Variants in UBE2W observed in about 807,000 individuals in gnomAD.
UBE2W encodes the protein ubiquitin-conjugating enzyme E2 W.
Under a neutral mutation model 27.2 loss-of-function variants are expected in UBE2W, and 18 were observed. That is an observed-to-expected ratio of 0.66 (90% confidence interval 0.46 to 0.98). The LOEUF is 0.98. Among genes scored for constraint, UBE2W ranks in the 50% least tolerant of loss-of-function variants. UBE2W has a pLI of 0.00. For missense variants in UBE2W, 90 were observed against 180.2 expected (o/e 0.50, Z 2.87); for synonymous variants, 53 against 57.2 (o/e 0.93, Z 0.33).
chr8:73,780,757 CAA>C (rs1219923382), intron 4 of UBE2W, among the ~76,000 whole-genome samples: 1 of 151,764 alleles, frequency 6.6e-6, no homozygotes, highest in Non-Finnish European at 1.5e-5. Context: ...CTCCTGGACT[CAA>C]GAGATCCACC....
At chr8:73,867,003 CAA>C (rs35890299) in intron 1 of UBE2W, among the ~76,000 whole-genome samples, 1 of 120,948 alleles carries the variant, frequency 8.3e-6, no homozygotes, top group Non-Finnish European at 1.8e-5. Flanking sequence ...GGCTCCGTCC[CAA>C]AAAAAAAAAA....
chr8:73,842,644 C>T (rs1279929630), intron 1 of UBE2W, among the ~76,000 whole-genome samples: 4 of 143,620 alleles, frequency 2.8e-5, no homozygotes, highest in Non-Finnish European at 3.0e-5. Flanking sequence ...CTCAAAAATA[C>T]ATGTAATTTG....
At chr8:73,862,368 T>G (rs972064235) in intron 1 of UBE2W, among the ~76,000 whole-genome samples, 1 of 152,214 alleles carries the variant, frequency 6.6e-6, no homozygotes, top group African/African-American at 2.4e-5. Flanking sequence ...TTCAGCTTTC[T>G]ACATATGGCT....
At chr8:73,804,555 CTTTTT>C (rs57819629) in intron 5 of UBE2W, among the ~76,000 whole-genome samples, 10 of 146,616 alleles carry the variant, frequency 6.8e-5, no homozygotes, top group Admixed American at 1.4e-4. Flanking sequence ...CAGAATCTCA[CTTTTT>C]TTTTTTTAAG....
rs10652083 is a variant in UBE2W, at chr8:73,789,307, TAAAAAAAAA to T, written c.*4786_*4794del. On this transcript the variant is annotated 3_prime_UTR_variant, in exon 6 of 6. Transcript: ENST00000602593. ...GCAACATGGTGAGACCTCGTGTCTT[TAAAAAAAAA>T]AAAAAAAAAAAAAAAAAAAAAAAAA... 3.6e-3 allele frequency: 146 copies of T among 40,054 alleles called. 3 individuals carry two copies. Among genetic ancestry groups the T allele is most frequent in the South Asian group, 4.8e-3 (3 of 628 alleles). 2.5% of individuals were successfully genotyped at this position (40,054 alleles called of 1,614,324 possible).
Position 73,847,449 on chromosome 8 carries a change from T to TG in UBE2W, c.16-16978dup, listed in dbSNP as rs537337608. On this transcript the variant is annotated intron_variant, in intron 1 of 5. Transcript: ENST00000602593. The stretch of plus-strand genomic sequence containing the variant: ...AACTACTTGCTTTTTTTTGTAAACT[T>TG]GGATATAGAAATATGCTCTCACCCA... Among the ~76,000 whole-genome samples the TG allele has an allele frequency of 1.7e-3, 259 of 152,214 alleles. 1 individual carries two copies. The highest frequency in any genetic ancestry group is 3.0e-3 in the Non-Finnish European group (205 of 68,016).
intron 1 of UBE2W, among the ~76,000 whole-genome samples, chr8:73,871,807 C>T (rs944611182): frequency 1.3e-5 from 2 of 152,208 alleles, no homozygotes; most frequent in East Asian, 1.9e-4. Flanking sequence ...CAGATCATCC[C>T]TTTATTTTTT....
intron 1 of UBE2W, among the ~76,000 whole-genome samples, chr8:73,854,672 AGT>A (rs1320273274): frequency 6.6e-6 from 1 of 152,214 alleles, no homozygotes; most frequent in African/African-American, 2.4e-5. Context: ...TCAAGTAAGT[AGT>A]GTTCTCTGAA....
chr8:73,856,119 GTAA>G (rs1447405021), intron 1 of UBE2W, among the ~76,000 whole-genome samples: 2 of 151,970 alleles, frequency 1.3e-5, no homozygotes, highest in Non-Finnish European at 2.9e-5. Context: ...AAAAAACTAA[GTAA>G]TAAATTTGGT....
At chr8:73,848,070 G>A (rs917501540) in intron 1 of UBE2W, among the ~76,000 whole-genome samples, 5 of 146,006 alleles carry the variant, frequency 3.4e-5, no homozygotes, top group Non-Finnish European at 7.5e-5. Context: ...GTGTCGTGGC[G>A]CATGCCTGTA....
At chr8:73,799,774 T>A (rs1048971097) in intron 5 of UBE2W, among the ~76,000 whole-genome samples, 1 of 152,220 alleles carries the variant, frequency 6.6e-6, no homozygotes, top group African/African-American at 2.4e-5. Context: ...TATCCAATTC[T>A]TAGTAAGCTT....
Position 73,841,573 on chromosome 8 carries a change from T to C in UBE2W, c.16-11101A>G, listed in dbSNP as rs1810536703. ...TCCATGCTTTCAGAGTACAGTAGTG[T>C]CCAAAAGAAGAGTGGTAAGAGGAGA... On this transcript the variant is annotated intron_variant, in intron 1 of 5. Transcript: ENST00000602593. 3.9e-5 allele frequency among the ~76,000 whole-genome samples: 6 copies of C among 152,184 alleles called. 1 individual carries two copies. The South Asian group carries it at 1.2e-3, about 32-fold the overall frequency.
chr8:73,878,850 A>T lies in UBE2W; in HGVS notation c.-28T>A, dbSNP rs1320339176. 3 of 1,547,532 alleles carry T rather than the reference A, an allele frequency of 1.9e-6. No homozygotes were observed. The African/African-American group carries it at 4.1e-5, about 21-fold the overall frequency. On this transcript the variant is annotated 5_prime_UTR_variant, in exon 1 of 6. Transcript: ENST00000602593. ...TGGAACCATCCCCCCAAGACCGGCG[A>T]GGCCAGAGACGCAGGGGGAGGAGCT...
In UBE2W at chr8:73,805,505, T is replaced by C. The variant is rs116376411; in HGVS notation, c.442+146A>G. ...ACTAGGGTAATTCATCCATTAAATATATTAGAATATTTTAAAGAATTTTCT... is the reference window on the plus strand; with the variant it reads ...ACTAGGGTAATTCATCCATTAAATACATTAGAATATTTTAAAGAATTTTCT... On this transcript the variant is annotated intron_variant, in intron 5 of 5. Coordinates refer to ENST00000602593, the MANE Select transcript of UBE2W (RefSeq NM_018299.6). The C allele has an allele frequency of 0.027, 3,473 of 126,772 alleles. 154 individuals carry two copies. Among genetic ancestry groups the C allele is most frequent in the African/African-American group, 0.11 (3,253 of 29,262 alleles). 7.9% of individuals were successfully genotyped at this position (126,772 alleles called of 1,614,324 possible). A position where few individuals can be genotyped will look rare whatever the true frequency, so the allele number is the denominator to read the frequency against.
chr8:73,835,470 C>G (rs550242771), intron 1 of UBE2W, among the ~76,000 whole-genome samples: 2 of 152,124 alleles, frequency 1.3e-5, no homozygotes, highest in African/African-American at 2.4e-5. Flanking sequence ...TGGCCGGGTG[C>G]GATGGCTCAT....
chr8:73,833,516 TGTTAAG>T (rs1178300480), intron 1 of UBE2W, among the ~76,000 whole-genome samples: 3 of 152,260 alleles, frequency 2.0e-5, no homozygotes, highest in East Asian at 3.9e-4. Context: ...ATCTGAGATA[TGTTAAG>T]GTTTTCTTCC....
intron 4 of UBE2W, among the ~76,000 whole-genome samples, chr8:73,809,627 C>T (rs1809065299): frequency 6.6e-6 from 1 of 151,928 alleles, no homozygotes; most frequent in Non-Finnish European, 1.5e-5. Flanking sequence ...GCTCTGTCAC[C>T]CAGGCTGTAG....
In UBE2W at chr8:73,787,721, A is replaced by G; in HGVS notation, c.*6381T>C. The G allele has an allele frequency of 1.0e-6, 1 of 985,380 alleles. No individual in the cohort carries two copies. Among genetic ancestry groups the G allele is most frequent in the East Asian group, 1.1e-4 (1 of 8,814 alleles). The allele number at this position is 985,380 out of a possible 1,614,324, so 61.0% of individuals were successfully genotyped here. A position where few individuals can be genotyped will look rare whatever the true frequency, so the allele number is the denominator to read the frequency against. On this transcript the variant is annotated 3_prime_UTR_variant, in exon 6 of 6. Transcript: ENST00000602593. ...TTGCAGCTTCAAGAGTCACTCATTT[A>G]AGTCATTAGTTGATCTGTTTGTATA...
rs977906371 is a variant in UBE2W, at chr8:73,805,694, T to C, written c.399A>G (p.Arg133=). The change falls in exon 5 of 6, where the codon CGA becomes CGG. Residue 133 remains arginine, a synonymous_variant. Coordinates refer to ENST00000602593, the MANE Select transcript of UBE2W (RefSeq NM_018299.6). ...TTTTCTTTGGATTCTTGTTACATGTTCGCACATAAAAAGAATTATCCGGTG... is the reference window on the plus strand; with the variant it reads ...TTTTCTTTGGATTCTTGTTACATGTCCGCACATAAAAAGAATTATCCGGTG... ...RRPPDNSFYV[R]TCNKNPKKTK... is the part of the protein sequence containing the mutation. 16 of 1,545,584 alleles carry C rather than the reference T, an allele frequency of 1.0e-5. No homozygotes were observed. The highest frequency in any genetic ancestry group is 1.4e-5 in the Non-Finnish European group (16 of 1,140,032).
Sources: allele counts gnomAD v4.1 joint callset (sites outside exome capture counted in the v4.1 genomes callset), GRCh38; gene constraint gnomAD v4.1.1; transcripts MANE v1.5; gene names NCBI Gene and HGNC (gene_info 2026-07-23, HGNC 2026-07-21).